Variants in VAV1 observed in about 807,000 individuals in gnomAD.
VAV1 encodes the protein vav guanine nucleotide exchange factor 1, also known as proto-oncogene vav.
A neutral mutation model predicts 128.1 loss-of-function variants in VAV1; 33 were observed. That is an observed-to-expected ratio of 0.26 (90% CI 0.20 to 0.34). The LOEUF is 0.34. Ranked by LOEUF, VAV1 falls within the 10% of genes least tolerant of loss-of-function variation. The pLI is 1.00. For synonymous variants in VAV1, 394 were observed against 409.8 expected (o/e 0.96, Z 0.47); for missense variants, 715 against 1,093.7 (o/e 0.65, Z 4.88).
intron 14 of VAV1, among the ~76,000 whole-genome samples, chr19:6,830,614 A>G (rs1224681099): frequency 1.3e-5 from 2 of 151,398 alleles, no homozygotes; most frequent in Non-Finnish European, 2.9e-5. Context: ...TAAATTTTGT[A>G]TTTTTAGTAG....
At chr19:6,817,947 A>G (rs564488325) in intron 1 of VAV1, among the ~76,000 whole-genome samples, 2 of 152,228 alleles carry the variant, frequency 1.3e-5, no homozygotes, top group Admixed American at 1.3e-4. Flanking sequence ...CGGCCTCCCA[A>G]AGTGCTGGGA....
At chr19:6,845,443 A>G (rs1972497815) in intron 22 of VAV1, among the ~76,000 whole-genome samples, 1 of 152,082 alleles carries the variant, frequency 6.6e-6, no homozygotes, top group Admixed American at 6.6e-5. Flanking sequence ...AATTCATACA[A>G]CATAAAATTA....
At chr19:6,852,186 T>TA (rs989385322) in intron 24 of VAV1, among the ~76,000 whole-genome samples, 3 of 152,108 alleles carry the variant, frequency 2.0e-5, no homozygotes, top group Non-Finnish European at 2.9e-5. Flanking sequence ...GCTAATTGTT[T>TA]AAATCTTTTT....
At chr19:6,781,182 C>T (rs1001277974) in intron 1 of VAV1, among the ~76,000 whole-genome samples, 6 of 152,174 alleles carry the variant, frequency 3.9e-5, no homozygotes, top group Non-Finnish European at 7.3e-5. Context: ...GGATGATAAT[C>T]GTGAATCATC....
intron 1 of VAV1, among the ~76,000 whole-genome samples, chr19:6,798,472 A>G (rs867886770): frequency 6.6e-6 from 1 of 150,586 alleles, no homozygotes; most frequent in African/African-American, 2.4e-5. Context: ...TCTCTAATAA[A>G]TAATAAATAA....
chr19:6,838,290 A>C (rs1972274734), intron 21 of VAV1, among the ~76,000 whole-genome samples: 1 of 136,262 alleles, frequency 7.3e-6, no homozygotes. Context: ...TTCGTCATCT[A>C]CATATTATCT....
chr19:6,831,882 A>ATGTG (rs1972065076), intron 14 of VAV1, among the ~76,000 whole-genome samples: 1 of 148,616 alleles, frequency 6.7e-6, no homozygotes, highest in East Asian at 2.0e-4. Flanking sequence ...GTGTGTGTGC[A>ATGTG]TGTGCACGCC....
intron 23 of VAV1, among the ~76,000 whole-genome samples, chr19:6,848,540 T>C (rs1438477210): frequency 6.6e-6 from 1 of 150,524 alleles, no homozygotes; most frequent in Non-Finnish European, 1.5e-5. Context: ...GTAGCTGGGA[T>C]TACAGGCGCC....
chr19:6,773,030 G>A lies in VAV1; in HGVS notation c.204+19G>A. 6.2e-7 allele frequency: 1 copy of A among 1,614,004 alleles called. No homozygotes were observed. The highest frequency in any genetic ancestry group is 8.5e-7 in the Non-Finnish European group (1 of 1,179,920). ...GTCCCAGGTGAGCCCTCCGCGGGCA[G>A]GTGTGCTGAGGGTTGGAGACGGGGG... On this transcript the variant is annotated intron_variant, in intron 1 of 26. Transcript: ENST00000602142.
chr19:6,828,746 A>G lies in VAV1; in HGVS notation c.1179+38A>G. On this transcript the variant is annotated intron_variant, in intron 12 of 26. Coordinates refer to ENST00000602142, the MANE Select transcript of VAV1 (RefSeq NM_005428.4). The surrounding 1 kb of genome is among the most constrained non-coding windows in gnomAD (Gnocchi z 4.5). ...AGCCGGGTGGGCCAGGGGTGTGGCC[A>G]CGTGGGGAGAGTGTGTGTCTGGCTC... The G allele has an allele frequency of 1.9e-6, 3 of 1,613,942 alleles. No homozygotes were observed. The highest frequency in any genetic ancestry group is 2.5e-6 in the Non-Finnish European group (3 of 1,179,858).
chr19:6,793,335 A>AAAAGAAAG (rs372531316), intron 1 of VAV1, among the ~76,000 whole-genome samples: 1 of 151,822 alleles, frequency 6.6e-6, no homozygotes. Flanking sequence ...CTCCATCTCA[A>AAAAGAAAG]AAAGAAAGAA....
intron 1 of VAV1, among the ~76,000 whole-genome samples, chr19:6,809,632 A>T (rs1291631139): frequency 6.6e-6 from 1 of 152,048 alleles, no homozygotes; most frequent in African/African-American, 2.4e-5. Flanking sequence ...TGATGGGGGA[A>T]CCATGGCAAG....
At chr19:6,849,285 CTT>C in intron 23 of VAV1, among the ~76,000 whole-genome samples, 2 of 92,174 alleles carry the variant, frequency 2.2e-5, no homozygotes, top group Admixed American at 1.2e-4. Context: ...TGTTTCCAGC[CTT>C]TTTTTTTTTT....
chr19:6,803,837 T>A (rs762530546), intron 1 of VAV1, among the ~76,000 whole-genome samples: 8 of 152,120 alleles, frequency 5.3e-5, no homozygotes, highest in Non-Finnish European at 1.0e-4. Context: ...AGTGCTGAGA[T>A]TACAGGTGTG....
Position 6,833,640 on chromosome 19 carries a change from G to T in VAV1, c.1708+15G>T. Reference sequence around the variant, plus strand: ...ACATGGGCAAGGTACGAGTGGGAGGGAGGCTGGGAGGTGAGCTTGGTTCTC... The same window carrying T: ...ACATGGGCAAGGTACGAGTGGGAGGTAGGCTGGGAGGTGAGCTTGGTTCTC... On this transcript the variant is annotated intron_variant, in intron 17 of 26. Coordinates refer to ENST00000602142, the MANE Select transcript of VAV1 (RefSeq NM_005428.4). The T allele has an allele frequency of 6.2e-7, 1 of 1,614,098 alleles. No homozygotes were observed. The highest frequency in any genetic ancestry group is 1.1e-5 in the South Asian group (1 of 91,076).
chr19:6,839,878 G>T (rs548317311), intron 21 of VAV1, among the ~76,000 whole-genome samples: 2 of 151,964 alleles, frequency 1.3e-5, no homozygotes, highest in Non-Finnish European at 2.9e-5. Flanking sequence ...TTTTCGTAGC[G>T]ATGGGGTTTT....
chr19:6,836,874 A>ACACG (rs1555704924), intron 20 of VAV1, 111 bp from the exon 21 acceptor site: 11 of 594,772 alleles, frequency 1.8e-5, no homozygotes, highest in African/African-American at 1.8e-4. Context: ...ACACACACAC[A>ACACG]CACACGAGTG....
chr19:6,809,781 G>T (rs1003911244), intron 1 of VAV1, among the ~76,000 whole-genome samples: 1 of 152,100 alleles, frequency 6.6e-6, no homozygotes, highest in Non-Finnish European at 1.5e-5. Context: ...TAGGATTTGG[G>T]AACAGGGATG....
chr19:6,824,153 C>T (rs1308171095), intron 6 of VAV1, among the ~76,000 whole-genome samples: 1 of 152,036 alleles, frequency 6.6e-6, no homozygotes, highest in Non-Finnish European at 1.5e-5. Context: ...GTTGCCCAGG[C>T]TGGTCTCCTA....
Sources: allele counts gnomAD v4.1 joint callset (sites outside exome capture counted in the v4.1 genomes callset), GRCh38; gene constraint gnomAD v4.1.1; non-coding constraint Gnocchi (gnomAD v3.1); transcripts MANE v1.5; gene names NCBI Gene and HGNC (gene_info 2026-07-23, HGNC 2026-07-21).